SLC16A7: variants seen among roughly 807,000 people sequenced by gnomAD.
SLC16A7 encodes solute carrier family 16 member 7.
SLC16A7 carries 33 observed loss-of-function variants against 34.9 expected under a neutral mutation model. The observed-to-expected ratio is 0.94, with a 90% CI of 0.72 to 1.26. SLC16A7 has a LOEUF of 1.26. Among genes scored for constraint, SLC16A7 ranks in the 50% most tolerant of loss-of-function variants. The pLI is 0.00. For synonymous variants in SLC16A7, 201 were observed against 206.6 expected (o/e 0.97, Z 0.23); for missense variants, 573 against 578.1 (o/e 0.99, Z 0.09).
rs114267475 is a variant in SLC16A7 at position 59,761,865 on chromosome 12, A to G, written c.218-9354A>G. The stretch of plus-strand genomic sequence containing the variant: ...TTAAACAGAAATTCAGAGCATTTTC[A>G]TGGTATCTGGGCATCATTACAATAT... On this transcript the variant is annotated intron_variant, in intron 3 of 5. Coordinates refer to ENST00000547379, the MANE Select transcript of SLC16A7 (RefSeq NM_001270623.2). Among the ~76,000 whole-genome samples the G allele has an allele frequency of 5.3e-4, 81 of 152,194 alleles. 1 individual carries two copies. Among genetic ancestry groups the G allele is most frequent in the African/African-American group, 1.9e-3 (78 of 41,554 alleles).
chr12:59,778,342 G>A (rs1882964746), intron 5 of SLC16A7, among the ~76,000 whole-genome samples: 1 of 151,988 alleles, frequency 6.6e-6, no homozygotes, highest in Non-Finnish European at 1.5e-5. Context: ...GATTAAAACA[G>A]AAAATTTTGT....
intron 3 of SLC16A7, among the ~76,000 whole-genome samples, chr12:59,740,379 G>T (rs997764704): frequency 1.6e-4 from 25 of 152,008 alleles, no homozygotes; most frequent in Admixed American, 3.3e-4. Context: ...ATTTCTGAGG[G>T]CTCTGTTCTG....
intron 3 of SLC16A7, among the ~76,000 whole-genome samples, chr12:59,756,078 C>T (rs1053311258): frequency 2.6e-5 from 4 of 152,166 alleles, no homozygotes; most frequent in East Asian, 1.9e-4. Flanking sequence ...AACTGGATCC[C>T]TTCCTTACAC....
intron 2 of SLC16A7, among the ~76,000 whole-genome samples, chr12:59,682,925 G>A (rs1870858700): frequency 6.6e-6 from 1 of 152,148 alleles, no homozygotes; most frequent in African/African-American, 2.4e-5. Context: ...AATTAGCCAG[G>A]CGTGGTGGTG....
intron 1 of SLC16A7, among the ~76,000 whole-genome samples, chr12:59,597,507 A>T (rs7312501): frequency 0.19 from 28,466 of 151,980 alleles, 2,799 homozygotes; most frequent in Non-Finnish European, 0.21. Flanking sequence ...CTGAACTCAG[A>T]GGGTTGCAAA....
rs1197556556 is a variant in SLC16A7, at chr12:59,783,886, G to A, written c.*4207G>A. The A allele has an allele frequency of 2.0e-5, 3 of 151,850 alleles. No individual in the cohort carries two copies. The highest frequency in any genetic ancestry group is 1.3e-4 in the Admixed American group (2 of 15,220). 9.4% of individuals were successfully genotyped at this position (151,850 alleles called of 1,614,324 possible). A position where few individuals can be genotyped will look rare whatever the true frequency, so the allele number is the denominator to read the frequency against. ...GTAGAGATGGGGTTTCTCCTTGTTGGTCAGGCTGGTCTTGAACTCTGACCT... is the reference window on the plus strand; with the variant it reads ...GTAGAGATGGGGTTTCTCCTTGTTGATCAGGCTGGTCTTGAACTCTGACCT... On this transcript the variant is annotated 3_prime_UTR_variant, in exon 6 of 6. Coordinates refer to ENST00000547379, the MANE Select transcript of SLC16A7 (RefSeq NM_001270623.2).
At chr12:59,765,384 G>T (rs1472278608) in intron 3 of SLC16A7, among the ~76,000 whole-genome samples, 2 of 152,180 alleles carry the variant, frequency 1.3e-5, no homozygotes, top group Non-Finnish European at 2.9e-5. Flanking sequence ...TGCTTTTGGT[G>T]TTTTACACAT....
chr12:59,672,143 T>C (rs868852558), intron 2 of SLC16A7, among the ~76,000 whole-genome samples: 2 of 108,488 alleles, frequency 1.8e-5, no homozygotes, highest in African/African-American at 3.6e-5. Flanking sequence ...TATATATATG[T>C]GTATATATGC....
intron 3 of SLC16A7, among the ~76,000 whole-genome samples, chr12:59,718,471 G>T (rs941499914): frequency 1.3e-5 from 2 of 151,944 alleles, no homozygotes; most frequent in Non-Finnish European, 1.5e-5. Context: ...CCTACTAATT[G>T]GAATTTTGGG....
At chr12:59,680,450 G>A (rs1215544420) in intron 2 of SLC16A7, among the ~76,000 whole-genome samples, 1 of 152,138 alleles carries the variant, frequency 6.6e-6, no homozygotes, top group Non-Finnish European at 1.5e-5. Flanking sequence ...TTGAGAAGGA[G>A]GCAGATAGGA....
chr12:59,777,636 A>G (rs946535424), intron 5 of SLC16A7, among the ~76,000 whole-genome samples: 12 of 150,824 alleles, frequency 8.0e-5, no homozygotes, highest in Middle Eastern at 3.4e-3. Context: ...TCCTTAAAAT[A>G]TTTCTTTTAT....
intron 1 of SLC16A7, among the ~76,000 whole-genome samples, chr12:59,614,644 A>C (rs1668670780): frequency 6.6e-6 from 1 of 151,648 alleles, no homozygotes. Context: ...AGAGGTGATT[A>C]GTTTGTGAGG....
At chr12:59,641,004 AAT>A (rs1565628352) in intron 1 of SLC16A7, among the ~76,000 whole-genome samples, 1 of 152,012 alleles carries the variant, frequency 6.6e-6, no homozygotes, top group African/African-American at 2.4e-5. Flanking sequence ...GAAAATTAAA[AAT>A]ATATATATTT....
chr12:59,761,012 C>T (rs1171363192), intron 3 of SLC16A7: 8 of 374,668 alleles, frequency 2.1e-5, no homozygotes, highest in Admixed American at 7.2e-5. Flanking sequence ...TATTAAACCA[C>T]GTGTATTTTT....
intron 3 of SLC16A7, among the ~76,000 whole-genome samples, chr12:59,711,498 A>C (rs143669196): frequency 2.0e-4 from 30 of 152,264 alleles, no homozygotes; most frequent in Non-Finnish European, 3.7e-4. Flanking sequence ...TATAATGCTT[A>C]GTAGCCACCC....
chr12:59,662,146 C>G (rs963416343), intron 2 of SLC16A7, among the ~76,000 whole-genome samples: 1 of 152,052 alleles, frequency 6.6e-6, no homozygotes, highest in Non-Finnish European at 1.5e-5. Context: ...TCTGAGCCTT[C>G]TGTTCTTTAG....
intron 3 of SLC16A7, among the ~76,000 whole-genome samples, chr12:59,757,212 TA>T (rs1880469303): frequency 6.6e-6 from 1 of 151,236 alleles, no homozygotes; most frequent in Admixed American, 6.6e-5. Flanking sequence ...CATATGTAAC[TA>T]ACCTGCACAT....
intron 1 of SLC16A7, among the ~76,000 whole-genome samples, chr12:59,621,094 C>T (rs1031684131): frequency 6.6e-6 from 1 of 151,846 alleles, no homozygotes; most frequent in Admixed American, 6.6e-5. Context: ...ATCCATGGGT[C>T]TCCACCACTG....
At chr12:59,770,131 C>G (rs1416747500) in intron 3 of SLC16A7, among the ~76,000 whole-genome samples, 6 of 151,992 alleles carry the variant, frequency 3.9e-5, no homozygotes, top group African/African-American at 1.4e-4. Context: ...CTTTTTTAGA[C>G]TTAAATGCAG....
Sources: allele counts gnomAD v4.1 joint callset (sites outside exome capture counted in the v4.1 genomes callset), GRCh38; gene constraint gnomAD v4.1.1; transcripts MANE v1.5; gene names NCBI Gene and HGNC (gene_info 2026-07-23, HGNC 2026-07-21).